Variants in EFHC2 observed in about 807,000 individuals in gnomAD.
EFHC2 encodes the protein EF-hand domain containing 2, also known as EF-hand domain-containing family member C2.
A neutral mutation model predicts 52.7 loss-of-function variants in EFHC2; 18 were observed. The observed-to-expected ratio is 0.34, with a 90% confidence interval of 0.24 to 0.51. The LOEUF (loss-of-function observed/expected upper bound fraction) is 0.51, where lower values mean the gene tolerates loss of function less well. EFHC2 is among the 20% of genes least tolerant of loss of function. The pLI is 0.97. For missense variants in EFHC2, 513 were observed against 562.5 expected (o/e 0.91, Z 0.89); for synonymous variants, 203 against 204.1 (o/e 0.99, Z 0.04).
intron 8 of EFHC2, among the ~76,000 whole-genome samples, chrX:44,240,365 G>C (rs1282466658): frequency 9.0e-6 from 1 of 111,634 alleles, no homozygotes; most frequent in Non-Finnish European, 1.9e-5. Context: ...AAAAGAACAT[G>C]GAATACCATC....
At chrX:44,281,700 G>A (rs1468376201) in intron 2 of EFHC2, among the ~76,000 whole-genome samples, 1 of 112,071 alleles carries the variant, frequency 8.9e-6, no homozygotes, top group Non-Finnish European at 1.9e-5. Flanking sequence ...TTATAACTCC[G>A]ATATACTAAA....
chrX:44,197,029 A>G (rs748642996), intron 11 of EFHC2, among the ~76,000 whole-genome samples: 16 of 112,241 alleles, frequency 1.4e-4, no homozygotes, highest in Non-Finnish European at 2.8e-4. Context: ...CCTCATCTGC[A>G]AAATGGGAAT....
chrX:44,209,470 T>C (rs764297696), intron 11 of EFHC2, among the ~76,000 whole-genome samples: 17 of 111,204 alleles, frequency 1.5e-4, no homozygotes, highest in Non-Finnish European at 3.8e-5. Flanking sequence ...TAAATGAGTT[T>C]AGCAATGTTG....
chrX:44,158,591 C>T (rs1215728085), intron 14 of EFHC2, among the ~76,000 whole-genome samples: 1 of 111,009 alleles, frequency 9.0e-6, no homozygotes, highest in Non-Finnish European at 1.9e-5. Context: ...TACCCTGAAG[C>T]CCTACATGTG....
chrX:44,148,909 C>A lies in EFHC2; in HGVS notation c.2149-13G>T. On this transcript the variant is annotated splice_polypyrimidine_tract_variant and intron_variant, in intron 14 of 14. Coordinates refer to ENST00000420999, the MANE Select transcript of EFHC2 (RefSeq NM_025184.4). ...CATCTTCACATCTCTAGAAAAAAAC[C>A]AAAAATGGATATGATTAGAACCACA... 3 of 1,138,890 alleles carry A rather than the reference C, an allele frequency of 2.6e-6. No homozygotes were observed. Among genetic ancestry groups the A allele is most frequent in the Non-Finnish European group, 3.5e-6 (3 of 848,244 alleles). The allele number at this position is 1,138,890 out of a possible 1,213,427, so 93.9% of individuals were successfully genotyped here.
At chrX:44,176,693 T>C (rs1334881424) in intron 12 of EFHC2, among the ~76,000 whole-genome samples, 1 of 112,475 alleles carries the variant, frequency 8.9e-6, no homozygotes, top group Non-Finnish European at 1.9e-5. Context: ...TTGATCTGCA[T>C]TCTTGACCAC....
intron 9 of EFHC2, among the ~76,000 whole-genome samples, chrX:44,233,044 T>C (rs551752293): frequency 2.7e-5 from 3 of 111,631 alleles, no homozygotes; most frequent in South Asian, 3.8e-4. Context: ...AAATGGTGTG[T>C]AATTCTAGCC....
intron 2 of EFHC2, among the ~76,000 whole-genome samples, chrX:44,300,632 T>C (rs1196528317): frequency 9.0e-6 from 1 of 111,693 alleles, no homozygotes; most frequent in East Asian, 2.8e-4. Context: ...AGTTAAACTT[T>C]GAAACAAAAA....
chrX:44,223,883 T>C (rs895707035), intron 11 of EFHC2, among the ~76,000 whole-genome samples: 1 of 111,360 alleles, frequency 9.0e-6, no homozygotes, highest in Non-Finnish European at 1.9e-5. Flanking sequence ...TTGCTTACAA[T>C]AAAAAACACC....
At chrX:44,152,945 T>A (rs192723500) in intron 14 of EFHC2, among the ~76,000 whole-genome samples, 31 of 111,731 alleles carry the variant, frequency 2.8e-4, no homozygotes, top group African/African-American at 9.1e-4. Flanking sequence ...CTCTAATAGG[T>A]CTTCCAAATA....
At position 44,229,789 on chromosome X, in the gene EFHC2, G is replaced by A. The variant is rs1482055798; in HGVS notation, c.1621-10C>T. ...GGTTACTGAAAGGATACTGTAAGGG[G>A]GAAATGAAAGGAAAAACATATTTAA... On this transcript the variant is annotated splice_polypyrimidine_tract_variant and intron_variant, in intron 10 of 14. Transcript: ENST00000420999. 8 of 1,194,945 alleles carry A rather than the reference G, an allele frequency of 6.7e-6. No homozygotes were observed. Among genetic ancestry groups the A allele is most frequent in the Non-Finnish European group, 9.0e-6 (8 of 887,853 alleles).
intron 11 of EFHC2, among the ~76,000 whole-genome samples, chrX:44,181,645 TG>T (rs2036836189): frequency 8.9e-6 from 1 of 112,896 alleles, no homozygotes; most frequent in African/African-American, 3.2e-5. Flanking sequence ...TGACTTTACA[TG>T]AAAGTTTCAA....
At chrX:44,310,601 A>T (rs1025552602) in intron 2 of EFHC2, 52 of 282,641 alleles carry the variant, frequency 1.8e-4, no homozygotes, top group African/African-American at 1.1e-3. Context: ...TGAACCGCTA[A>T]TGTAGAAAGC....
chrX:44,342,883 A>AAAAAAAAAAG (rs1397760625), intron 1 of EFHC2, among the ~76,000 whole-genome samples: 3 of 107,850 alleles, frequency 2.8e-5, no homozygotes, highest in East Asian at 2.9e-4. Context: ...CTCAAAAAAA[A>AAAAAAAAAAG]AAAAAGAAAT....
rs1479065788 is a variant in EFHC2 at position 44,148,884 on chromosome X, C to T, written c.2161G>A (p.Val721Ile). The change falls in exon 15 of 15, where the codon GTT becomes ATT. Residue 721 changes from valine (V) to isoleucine (I), a missense_variant. Val to Ile is a conservative substitution (Grantham distance 29, BLOSUM62 3). Coordinates refer to ENST00000420999, the MANE Select transcript of EFHC2 (RefSeq NM_025184.4). ...ATAGGTGATGGCATACCAAGCCAAA[C>T]ATCTTCACATCTCTAGAAAAAAACC... ...ASYLKERCEDVWLGMPSPIPA... is the reference protein window; with the variant it reads ...ASYLKERCEDIWLGMPSPIPA... The T allele has an allele frequency of 8.5e-7, 1 of 1,175,200 alleles. No homozygotes were observed. The highest frequency in any genetic ancestry group is 1.8e-5 in the African/African-American group (1 of 56,841).
At chrX:44,298,963 G>A (rs182013141) in intron 2 of EFHC2, among the ~76,000 whole-genome samples, 207 of 105,587 alleles carry the variant, frequency 2.0e-3, no homozygotes, top group Non-Finnish European at 3.2e-3. Context: ...CTCAATAAAT[G>A]AGGACTCAAA....
chrX:44,148,552 C>A lies in EFHC2; in HGVS notation c.*243G>T. ...AGAAGATTTTTTGGTATTAATAAAC[C>A]ATACATATAATAAAAATATTCAACA... On this transcript the variant is annotated 3_prime_UTR_variant, in exon 15 of 15. Transcript: ENST00000420999. 1 of 299,650 alleles carries A rather than the reference C, an allele frequency of 3.3e-6. No homozygotes were observed. Among genetic ancestry groups the A allele is most frequent in the Non-Finnish European group, 5.7e-6 (1 of 174,502 alleles). The allele number at this position is 299,650 out of a possible 1,213,427, so 24.7% of individuals were successfully genotyped here.
Position 44,205,251 on chromosome X carries a change from A to G in EFHC2, c.1751+24398T>C, listed in dbSNP as rs755346033. 5.4e-5 allele frequency among the ~76,000 whole-genome samples: 6 copies of G among 111,660 alleles called. No individual in the cohort carries two copies. The East Asian group carries it at 8.4e-4, about 16-fold the overall frequency. Reference sequence around the variant, plus strand: ...AATACTTGCTACCACAAAAGCACACATAAGTATAAAGCCGAGAGCCTTATG... The same window carrying G: ...AATACTTGCTACCACAAAAGCACACGTAAGTATAAAGCCGAGAGCCTTATG... On this transcript the variant is annotated intron_variant, in intron 11 of 14. Transcript: ENST00000420999.
At chrX:44,282,509 G>GGGA (rs1381217066) in intron 2 of EFHC2, among the ~76,000 whole-genome samples, 1 of 95,967 alleles carries the variant, frequency 1.0e-5, no homozygotes, top group East Asian at 3.5e-4. Flanking sequence ...CCAGCTACTT[G>GGGA]GGAGGCACAG....
Sources: gnomAD v4.1 joint callset for allele counts (sites outside exome capture counted in the v4.1 genomes callset) on GRCh38, gnomAD v4.1.1 for gene constraint, MANE v1.5 for transcripts, NCBI Gene and HGNC (gene_info 2026-07-23, HGNC 2026-07-21) for gene names.